CNTN5: variants seen among roughly 807,000 people sequenced by gnomAD.
The protein encoded by CNTN5 is contactin-5.
A neutral mutation model predicts 129.1 loss-of-function variants in CNTN5; 77 were observed. The observed-to-expected ratio is 0.60, with a 90% CI of 0.50 to 0.72. The LOEUF is 0.72. Ranked by LOEUF, CNTN5 falls within the 30% of genes least tolerant of loss-of-function variation. CNTN5 has a pLI of 0.00. For synonymous variants in CNTN5, 509 were observed against 465.6 expected (o/e 1.09, Z -1.20); for missense variants, 1,478 against 1,328.8 (o/e 1.11, Z -1.75).
At chr11:100,166,140 C>T (rs564673452) in intron 13 of CNTN5, among the ~76,000 whole-genome samples, 4 of 151,756 alleles carry the variant, frequency 2.6e-5, no homozygotes, top group South Asian at 2.1e-4. Flanking sequence ...CCAAATGGTA[C>T]GTGATGCATG....
At chr11:99,432,131 C>G (rs1943395109) in intron 2 of CNTN5, among the ~76,000 whole-genome samples, 1 of 152,174 alleles carries the variant, frequency 6.6e-6, no homozygotes, top group African/African-American at 2.4e-5. Context: ...CATGACTCAG[C>G]TTTCAGCTTA....
chr11:99,893,155 A>G (rs1024634726), intron 6 of CNTN5, among the ~76,000 whole-genome samples: 1 of 152,192 alleles, frequency 6.6e-6, no homozygotes, highest in Non-Finnish European at 1.5e-5. Context: ...ATTCCAGAAC[A>G]TGAAAATGCC....
chr11:100,305,765 G>T (rs1591498372), intron 20 of CNTN5, among the ~76,000 whole-genome samples: 1 of 151,542 alleles, frequency 6.6e-6, no homozygotes, highest in East Asian at 2.0e-4. Flanking sequence ...TAAAATTTCT[G>T]GGAAAATCTG....
chr11:100,181,346 T>G (rs1565319782), intron 13 of CNTN5, among the ~76,000 whole-genome samples: 1 of 152,004 alleles, frequency 6.6e-6, no homozygotes, highest in East Asian at 1.9e-4. Flanking sequence ...AATCTAAGAT[T>G]TTTTTGAAAT....
At chr11:99,809,533 C>G (rs1487761002) in intron 3 of CNTN5, among the ~76,000 whole-genome samples, 2 of 152,030 alleles carry the variant, frequency 1.3e-5, no homozygotes, top group African/African-American at 4.8e-5. Context: ...TTTTGGCCAT[C>G]TAGGATTCCA....
intron 3 of CNTN5, among the ~76,000 whole-genome samples, chr11:99,686,819 A>G (rs1953814310): frequency 1.3e-5 from 2 of 152,180 alleles, no homozygotes; most frequent in African/African-American, 2.4e-5. Context: ...TCCAAAAACT[A>G]GAGGACACAG....
chr11:99,488,420 C>T (rs943206228), intron 2 of CNTN5, among the ~76,000 whole-genome samples: 10 of 152,100 alleles, frequency 6.6e-5, no homozygotes, highest in African/African-American at 2.4e-4. Context: ...ATCTGCCTGT[C>T]TTGGCCTCCC....
At chr11:100,062,868 G>A (rs919378046) in intron 10 of CNTN5, among the ~76,000 whole-genome samples, 2 of 152,138 alleles carry the variant, frequency 1.3e-5, no homozygotes, top group African/African-American at 2.4e-5. Flanking sequence ...TCTAGCCATA[G>A]GGAAAAGTTT....
chr11:99,177,277 T>A (rs1857822806), intron 1 of CNTN5, among the ~76,000 whole-genome samples: 1 of 152,206 alleles, frequency 6.6e-6, no homozygotes, highest in African/African-American at 2.4e-5. Flanking sequence ...TCTCTAAATA[T>A]GCTATTTATT....
At chr11:100,015,208 C>A (rs533707670) in intron 9 of CNTN5, among the ~76,000 whole-genome samples, 1 of 152,186 alleles carries the variant, frequency 6.6e-6, no homozygotes, top group African/African-American at 2.4e-5. Context: ...CATGTCTAGG[C>A]ATTTAGATTG....
Position 100,168,250 on chromosome 11 carries a change from G to A in CNTN5, c.1581-22876G>A, listed in dbSNP as rs12225881. Among the ~76,000 whole-genome samples the A allele has an allele frequency of 3.3e-5, 5 of 151,918 alleles. 1 individual carries two copies. The highest frequency in any genetic ancestry group is 2.1e-4 in the South Asian group (1 of 4,824). ...ATAACTAAGGGCATTGATGAAAGTG[G>A]CTACACTAAACAGTAGATTTTCAAT... On this transcript the variant is annotated intron_variant, in intron 13 of 24. Coordinates refer to ENST00000524871, the MANE Select transcript of CNTN5 (RefSeq NM_014361.4).
At chr11:99,394,926 T>C (rs1941442969) in intron 2 of CNTN5, among the ~76,000 whole-genome samples, 2 of 151,898 alleles carry the variant, frequency 1.3e-5, no homozygotes, top group African/African-American at 4.8e-5. Flanking sequence ...CACATTGTCT[T>C]TATCAAGTCT....
At chr11:99,071,330 C>T (rs1865332416) in intron 1 of CNTN5, among the ~76,000 whole-genome samples, 1 of 151,934 alleles carries the variant, frequency 6.6e-6, no homozygotes. Flanking sequence ...TTCTAGAAAT[C>T]CCAGTGCTGA....
chr11:99,769,788 A>T (rs1591134247), intron 3 of CNTN5, among the ~76,000 whole-genome samples: 2 of 145,780 alleles, frequency 1.4e-5, no homozygotes, highest in South Asian at 4.5e-4. Context: ...TGCACTCCAG[A>T]CTGGGCAATA....
intron 6 of CNTN5, among the ~76,000 whole-genome samples, chr11:99,888,651 T>C (rs1240124194): frequency 6.6e-6 from 1 of 152,200 alleles, no homozygotes; most frequent in East Asian, 1.9e-4. Context: ...GATTCATTCT[T>C]GGTAGTGAGC....
Position 100,161,873 on chromosome 11 carries a change from A to ACAC in CNTN5, c.1581-29253_1581-29252insCAC, listed in dbSNP as rs1555025938. ...CACACACACACACACACACACACAC[A>ACAC]AAACAAAAAACAAAAAACAAAAAAC... On this transcript the variant is annotated intron_variant, in intron 13 of 24. Coordinates refer to ENST00000524871, the MANE Select transcript of CNTN5 (RefSeq NM_014361.4). 7.0e-3 allele frequency among the ~76,000 whole-genome samples: 845 copies of ACAC among 120,088 alleles called. 9 individuals are homozygous for ACAC. Among genetic ancestry groups the ACAC allele is most frequent in the African/African-American group, 0.024 (781 of 32,180 alleles). 78.8% of individuals were successfully genotyped at this position (120,088 alleles called of 152,430 possible). A position where few individuals can be genotyped will look rare whatever the true frequency, so the allele number is the denominator to read the frequency against.
chr11:100,228,189 G>A (rs1375997019), intron 16 of CNTN5, among the ~76,000 whole-genome samples: 1 of 152,084 alleles, frequency 6.6e-6, no homozygotes, highest in East Asian at 1.9e-4. Flanking sequence ...CAAAACAGTA[G>A]GTCAAGAAAC....
chr11:99,564,340 G>A (rs1016548877), intron 3 of CNTN5, among the ~76,000 whole-genome samples: 5 of 151,986 alleles, frequency 3.3e-5, no homozygotes, highest in Non-Finnish European at 7.4e-5. Flanking sequence ...CTCCTGCCCA[G>A]GCCTCCTAAA....
rs574919808 is a variant in CNTN5 at position 99,120,420 on chromosome 11, C to T, written c.-210+99150C>T. The T allele has an allele frequency of 7.2e-5, 11 of 152,270 alleles. No homozygotes were observed. In the South Asian group the frequency reaches 2.3e-3, roughly 32 times the overall value. The allele number at this position is 152,270 out of a possible 1,614,324, so 9.4% of individuals were successfully genotyped here. A position where few individuals can be genotyped will look rare whatever the true frequency, so the allele number is the denominator to read the frequency against. On this transcript the variant is annotated intron_variant, in intron 1 of 24. Coordinates refer to ENST00000524871, the MANE Select transcript of CNTN5 (RefSeq NM_014361.4). ...TTGCCTGCTACAACCTCCAAACATGCTATTAGTCTTGTGAATAAAGGGATG... is the reference window on the plus strand; with the variant it reads ...TTGCCTGCTACAACCTCCAAACATGTTATTAGTCTTGTGAATAAAGGGATG...
Sources: gnomAD v4.1 joint callset for allele counts (sites outside exome capture counted in the v4.1 genomes callset) on GRCh38, gnomAD v4.1.1 for gene constraint, MANE v1.5 for transcripts, NCBI Gene and HGNC (gene_info 2026-07-23, HGNC 2026-07-21) for gene names.